Variants in PMEPA1 observed in about 807,000 individuals in gnomAD.
PMEPA1 encodes prostate transmembrane protein, androgen induced 1.
A neutral mutation model predicts 23.0 loss-of-function variants in PMEPA1; 11 were observed. The ratio of observed to expected loss-of-function variants is 0.48; its 90% CI spans 0.30 to 0.79. The LOEUF is 0.79. PMEPA1 is among the 30% of genes least tolerant of loss of function. PMEPA1 has a pLI of 0.06. For synonymous variants in PMEPA1, 204 were observed against 166.4 expected, an observed-to-expected ratio of 1.23 and a Z score of -1.74; for missense variants, 377 against 390.9, an observed-to-expected ratio of 0.96 and a Z score of 0.30.
chr20:57,710,170 A>C, upstream of PMEPA1: 2 of 549,718 alleles, frequency 3.6e-6, no homozygotes, highest in East Asian at 4.2e-5. Context: ...GGCCAGAGCT[A>C]GGCGGCCCAC....
rs1039853005 is a variant in PMEPA1 at position 57,705,428 on chromosome 20, G to A, written c.109+4046C>T. ...TGGGTGAAAAGTCCCAGGGTTTAGC[G>A]GGTCCACAGGGGAGAACAGCTGGTG... On this transcript the variant is annotated intron_variant, in intron 1 of 3. Coordinates refer to ENST00000341744, the MANE Select transcript of PMEPA1 (RefSeq NM_020182.5). Among the ~76,000 whole-genome samples, 7 of 152,294 alleles carry A rather than the reference G, an allele frequency of 4.6e-5. No individual in the cohort carries two copies. The East Asian group carries it at 7.7e-4, about 17-fold the overall frequency.
At chr20:57,692,896 C>T (rs2071901043) in intron 1 of PMEPA1, among the ~76,000 whole-genome samples, 2 of 152,234 alleles carry the variant, frequency 1.3e-5, no homozygotes, top group Admixed American at 1.3e-4. Context: ...TTCCATCTTT[C>T]ACAACTCATG....
intron 1 of PMEPA1, among the ~76,000 whole-genome samples, chr20:57,679,377 G>GC (rs2071680591): frequency 6.6e-6 from 1 of 152,198 alleles, no homozygotes; most frequent in Non-Finnish European, 1.5e-5. Context: ...CCTGCAGGTG[G>GC]CCATGGGTGT....
chr20:57,655,875 T>C lies in PMEPA1; in HGVS notation c.265-2789A>G, dbSNP rs1029088637. Reference sequence around the variant, plus strand: ...TTTGTGGGCCGGCGGGTCTCTGTCATACCACTGAACCCTGCTGCTACAGCC... The same window carrying C: ...TTTGTGGGCCGGCGGGTCTCTGTCACACCACTGAACCCTGCTGCTACAGCC... On this transcript the variant is annotated intron_variant, in intron 2 of 3. Transcript: ENST00000341744. This position sits in a 1 kb window ranked among gnomAD's most constrained non-coding sequence, Gnocchi z 4.2. 2.0e-5 allele frequency among the ~76,000 whole-genome samples: 3 copies of C among 152,142 alleles called. No individual in the cohort carries two copies. The highest frequency in any genetic ancestry group is 7.2e-5 in the African/African-American group (3 of 41,450).
intron 1 of PMEPA1, among the ~76,000 whole-genome samples, chr20:57,671,945 T>C (rs1310456791): frequency 6.6e-6 from 1 of 152,198 alleles, no homozygotes; most frequent in Non-Finnish European, 1.5e-5. Flanking sequence ...TTGAATCCAA[T>C]TCAGTCTGAT....
intron 1 of PMEPA1, among the ~76,000 whole-genome samples, chr20:57,677,071 C>T (rs139948285): frequency 1.8e-3 from 277 of 152,358 alleles, no homozygotes; most frequent in African/African-American, 6.3e-3. Flanking sequence ...AAGGCCTTTG[C>T]ACATGCAGTT....
At chr20:57,702,038 G>A (rs775453626) in intron 1 of PMEPA1, among the ~76,000 whole-genome samples, 5 of 152,166 alleles carry the variant, frequency 3.3e-5, no homozygotes, top group South Asian at 2.1e-4. Flanking sequence ...CTCCCTAGGC[G>A]AGGCCCTGAA....
Position 57,704,122 on chromosome 20 carries a change from G to C in PMEPA1, c.109+5352C>G, listed in dbSNP as rs2050091700. ...GGTGACAGGGGAGACAAAAGGAACTGCCAGCACTTAAAACCCAGGAGTTTT... is the reference window on the plus strand; with the variant it reads ...GGTGACAGGGGAGACAAAAGGAACTCCCAGCACTTAAAACCCAGGAGTTTT... On this transcript the variant is annotated intron_variant, in intron 1 of 3. Transcript: ENST00000341744. The surrounding 1 kb of genome is among the most constrained non-coding windows in gnomAD (Gnocchi z 4.6). 6.6e-6 allele frequency among the ~76,000 whole-genome samples: 1 copy of C among 152,148 alleles called. No homozygotes were observed. Among genetic ancestry groups the C allele is most frequent in the African/African-American group, 2.4e-5 (1 of 41,436 alleles).
intron 1 of PMEPA1, among the ~76,000 whole-genome samples, chr20:57,672,967 G>C: frequency 6.6e-6 from 1 of 152,196 alleles, no homozygotes; most frequent in South Asian, 2.1e-4. Flanking sequence ...TGGATGCAGT[G>C]GAGTGAAGAG....
At chr20:57,697,531 C>T (rs932770643) in intron 1 of PMEPA1, among the ~76,000 whole-genome samples, 1 of 152,240 alleles carries the variant, frequency 6.6e-6, no homozygotes, top group Admixed American at 6.5e-5. Flanking sequence ...TCACAGCCAT[C>T]CAACCAGCAG....
In PMEPA1 at chr20:57,652,173, C is replaced by T; in HGVS notation, c.744G>A (p.Gln248=). ...CCAGCAAGGAGGGCGGCCCACTGCT[C>T]TGCTGGTGCTGGAAGGAGGACCCCG... ...HYPGSSFQHQ[Q]SSGPPSLLEG... is the part of the protein sequence containing the mutation. The change falls in exon 4 of 4, where the codon CAG becomes CAA. Residue 248 remains glutamine (Q), a synonymous_variant. Transcript: ENST00000341744. This position sits in a 1 kb window ranked among gnomAD's most constrained non-coding sequence, Gnocchi z 6.1. The T allele has an allele frequency of 6.2e-7, 1 of 1,608,474 alleles. No homozygotes were observed. Among genetic ancestry groups the T allele is most frequent in the Non-Finnish European group, 8.5e-7 (1 of 1,177,956 alleles).
rs1273200339 is a variant in PMEPA1, at chr20:57,682,882, C to T, written c.110-23185G>A. On this transcript the variant is annotated intron_variant, in intron 1 of 3. Transcript: ENST00000341744. This position sits in a 1 kb window ranked among gnomAD's most constrained non-coding sequence, Gnocchi z 4.4. ...TATGAAAATAGATGTTGTCTCCCCA[C>T]CACATCTGTTTTGCCTGACAAATGA... Among the ~76,000 whole-genome samples, 1 of 152,248 alleles carries T rather than the reference C, an allele frequency of 6.6e-6. No homozygotes were observed. The highest frequency in any genetic ancestry group is 6.5e-5 in the Admixed American group (1 of 15,292).
In PMEPA1 at chr20:57,648,512, CCAAATA is replaced by C. The variant is rs1377722333; in HGVS notation, c.*3535_*3540del. 6.6e-6 allele frequency: 1 copy of C among 152,650 alleles called. No individual in the cohort carries two copies. The highest frequency in any genetic ancestry group is 1.9e-4 in the East Asian group (1 of 5,202). 9.5% of individuals were successfully genotyped at this position (152,650 alleles called of 1,614,324 possible). ...TTTCTTCAGGCCTGTGGATTGGCAT[CCAAATA>C]CAGAGTCTTACGCAGCGGGGACGTG... is the stretch of plus-strand genomic sequence containing the variant. On this transcript the variant is annotated 3_prime_UTR_variant, in exon 4 of 4. Coordinates refer to ENST00000341744, the MANE Select transcript of PMEPA1 (RefSeq NM_020182.5).
At chr20:57,710,444 C>A (rs1454217342), upstream of PMEPA1, 8 of 1,606,028 alleles carry the variant, frequency 5.0e-6, no homozygotes, top group Non-Finnish European at 6.8e-6. Context: ...GGGAGGAAGC[C>A]CCCAAGATGG....
At chr20:57,680,793 G>A (rs576468703) in intron 1 of PMEPA1, among the ~76,000 whole-genome samples, 2 of 152,318 alleles carry the variant, frequency 1.3e-5, no homozygotes, top group African/African-American at 2.4e-5. Context: ...GGCTGGAGTC[G>A]CAACCACCTT....
chr20:57,698,038 T>C (rs977102777), intron 1 of PMEPA1, among the ~76,000 whole-genome samples: 15 of 152,190 alleles, frequency 9.9e-5, no homozygotes, highest in African/African-American at 3.4e-4. Flanking sequence ...ATACATTTTT[T>C]AAAGAGGCAA....
intron 1 of PMEPA1, among the ~76,000 whole-genome samples, chr20:57,706,616 C>T (rs2072093090): frequency 6.6e-6 from 1 of 152,168 alleles, no homozygotes; most frequent in African/African-American, 2.4e-5. Flanking sequence ...GCAGACGTGG[C>T]TCCCGGCGTA....
intron 1 of PMEPA1, chr20:57,700,030 A>T (rs1346751855): frequency 6.4e-6 from 3 of 471,206 alleles, no homozygotes; most frequent in Non-Finnish European, 1.3e-5. Context: ...TTGTATTCTT[A>T]ACCACTGACA....
chr20:57,680,585 A>G (rs992829492), intron 1 of PMEPA1, among the ~76,000 whole-genome samples: 3 of 152,268 alleles, frequency 2.0e-5, no homozygotes, highest in African/African-American at 7.2e-5. Context: ...CCGGGTGCAT[A>G]GTGCTTGCTC....
Sources: allele counts gnomAD v4.1 joint callset (sites outside exome capture counted in the v4.1 genomes callset), GRCh38; gene constraint gnomAD v4.1.1; non-coding constraint Gnocchi (gnomAD v3.1); transcripts MANE v1.5; gene names NCBI Gene and HGNC (gene_info 2026-07-23, HGNC 2026-07-21).